The following ATG10 variants were observed in gnomAD, a reference collection of about 807,000 sequenced individuals.
ATG10 encodes the protein ubiquitin-like-conjugating enzyme ATG10.
In ATG10, 30 loss-of-function variants were observed where a neutral mutation model predicts 32.1. The ratio of observed to expected loss-of-function variants is 0.94; its 90% CI spans 0.70 to 1.27. The LOEUF is 1.27. Among genes scored for constraint, ATG10 ranks in the 50% most tolerant of loss-of-function variants. The pLI, the probability that ATG10 is intolerant of heterozygous loss-of-function variation, is 0.00. For synonymous variants in ATG10, 87 were observed against 91.5 expected, an observed-to-expected ratio of 0.95 and a Z score of 0.28; for missense variants, 233 against 262.3, an observed-to-expected ratio of 0.89 and a Z score of 0.77.
chr5:82,081,634 G>T (rs1188158993), intron 3 of ATG10, among the ~76,000 whole-genome samples: 1 of 152,164 alleles, frequency 6.6e-6, no homozygotes, highest in Admixed American at 6.5e-5. Context: ...TTTTGTCTTT[G>T]GTTCTGTTTA....
intron 5 of ATG10, among the ~76,000 whole-genome samples, chr5:82,201,697 T>G (rs1470568203): frequency 6.6e-6 from 1 of 152,232 alleles, no homozygotes; most frequent in African/African-American, 2.4e-5. Context: ...AGATTTTAAC[T>G]GGGATTGTGT....
chr5:82,224,708 A>C (rs936727016), intron 5 of ATG10, among the ~76,000 whole-genome samples: 1 of 152,188 alleles, frequency 6.6e-6, no homozygotes, highest in East Asian at 1.9e-4. Context: ...TGCTGGAGGA[A>C]TACTGACAAA....
At chr5:82,152,905 A>T (rs1157256488) in intron 3 of ATG10, among the ~76,000 whole-genome samples, 1 of 152,214 alleles carries the variant, frequency 6.6e-6, no homozygotes, top group African/African-American at 2.4e-5. Flanking sequence ...CAGACAATTT[A>T]TACTCATTCC....
chr5:81,991,336 G>C (rs1275333921), intron 2 of ATG10, among the ~76,000 whole-genome samples: 1 of 151,690 alleles, frequency 6.6e-6, no homozygotes, highest in Non-Finnish European at 1.5e-5. Flanking sequence ...TTAAATTGTT[G>C]TATTGATGTA....
At chr5:82,207,536 T>C (rs1183236455) in intron 5 of ATG10, among the ~76,000 whole-genome samples, 1 of 152,226 alleles carries the variant, frequency 6.6e-6, no homozygotes, top group Admixed American at 6.5e-5. Context: ...ATGAGTTCTT[T>C]GATGGATGTA....
At chr5:82,036,889 A>G (rs1019476669) in intron 2 of ATG10, among the ~76,000 whole-genome samples, 3 of 151,846 alleles carry the variant, frequency 2.0e-5, no homozygotes, top group Admixed American at 6.6e-5. Context: ...TCCCAGCACT[A>G]TGGAAGGCAG....
chr5:82,091,327 C>T (rs1764875674), intron 3 of ATG10, among the ~76,000 whole-genome samples: 2 of 152,092 alleles, frequency 1.3e-5, no homozygotes. Flanking sequence ...GCCTCAGCCT[C>T]CTTAATAGCT....
chr5:82,251,575 G>A (rs1394822824), intron 5 of ATG10, among the ~76,000 whole-genome samples: 2 of 152,150 alleles, frequency 1.3e-5, no homozygotes, highest in African/African-American at 2.4e-5. Flanking sequence ...GGGTGCACTC[G>A]GCAGTTTCTC....
chr5:82,217,019 C>T (rs1745709106), intron 5 of ATG10, among the ~76,000 whole-genome samples: 1 of 150,856 alleles, frequency 6.6e-6, no homozygotes, highest in Non-Finnish European at 1.5e-5. Flanking sequence ...TGCGCTACTG[C>T]ACTCCAGCCT....
intron 5 of ATG10, among the ~76,000 whole-genome samples, chr5:82,194,032 T>C (rs1744761742): frequency 6.6e-6 from 1 of 152,226 alleles, no homozygotes; most frequent in Non-Finnish European, 1.5e-5. Flanking sequence ...TAGGTCTTTC[T>C]TCTGTTGATG....
chr5:82,125,635 ATC>A (rs1766237398), intron 3 of ATG10, among the ~76,000 whole-genome samples: 1 of 151,946 alleles, frequency 6.6e-6, no homozygotes, highest in Non-Finnish European at 1.5e-5. Context: ...TGGTCTATAT[ATC>A]TGTTTTGATA....
chr5:82,004,132 C>T (rs552434579), intron 2 of ATG10, among the ~76,000 whole-genome samples: 237 of 8,540 alleles, frequency 0.028, 1 homozygote, highest in African/African-American at 0.087. Flanking sequence ...AACAAGACTC[C>T]GTCTCAAAAA....
At chr5:81,989,272 A>G (rs1445912559) in intron 2 of ATG10, among the ~76,000 whole-genome samples, 1 of 152,188 alleles carries the variant, frequency 6.6e-6, no homozygotes, top group Admixed American at 6.5e-5. Flanking sequence ...ATGCACTCTG[A>G]GGAACGAACA....
At chr5:82,045,058 T>C (rs892898821) in intron 2 of ATG10, among the ~76,000 whole-genome samples, 18 of 152,188 alleles carry the variant, frequency 1.2e-4, no homozygotes, top group African/African-American at 4.3e-4. Context: ...CTAGAAACTT[T>C]CTCTAGCGGG....
intron 3 of ATG10, among the ~76,000 whole-genome samples, chr5:82,118,225 T>A (rs1387308610): frequency 6.6e-6 from 1 of 150,550 alleles, no homozygotes; most frequent in East Asian, 1.9e-4. Context: ...ATAGAAAAAA[T>A]TAATTACACG....
chr5:82,222,622 A>C (rs1458857085), intron 5 of ATG10, among the ~76,000 whole-genome samples: 1 of 152,236 alleles, frequency 6.6e-6, no homozygotes, highest in Non-Finnish European at 1.5e-5. Flanking sequence ...AGAAAGATTC[A>C]TATATGTATT....
At chr5:82,187,640 G>A (rs568582773) in intron 5 of ATG10, among the ~76,000 whole-genome samples, 162 of 151,370 alleles carry the variant, frequency 1.1e-3, no homozygotes, top group Non-Finnish European at 1.9e-3. Flanking sequence ...GTGCAGTGGC[G>A]CGATCTCTGA....
intron 5 of ATG10, among the ~76,000 whole-genome samples, chr5:82,214,114 G>C (rs1156557581): frequency 6.6e-6 from 1 of 152,168 alleles, no homozygotes; most frequent in African/African-American, 2.4e-5. Context: ...TAAGATGTCT[G>C]CTCATACCTG....
intron 2 of ATG10, among the ~76,000 whole-genome samples, chr5:82,013,127 A>G (rs2149696976): frequency 6.6e-6 from 1 of 151,960 alleles, no homozygotes; most frequent in South Asian, 2.1e-4. Context: ...ACGCCCGGCC[A>G]ATTTTTGTGT....
Sources: allele counts gnomAD v4.1 joint callset (sites outside exome capture counted in the v4.1 genomes callset), GRCh38; gene constraint gnomAD v4.1.1; transcripts MANE v1.5; gene names NCBI Gene and HGNC (gene_info 2026-07-23, HGNC 2026-07-21).